GDA: variants seen among roughly 807,000 people sequenced by gnomAD.
The protein encoded by GDA is cytoplasmic PSD-95 interactor.
Under a neutral mutation model 59.6 loss-of-function variants are expected in GDA, and 18 were observed. That is an observed-to-expected ratio of 0.30 (90% CI 0.21 to 0.45). The LOEUF is 0.45. Among genes scored for constraint, GDA ranks in the 20% least tolerant of loss-of-function variants. GDA has a pLI of 1.00. For missense variants in GDA, 427 were observed against 552.3 expected, an observed-to-expected ratio of 0.77 and a Z score of 2.27; for synonymous variants, 201 against 201.1, an observed-to-expected ratio of 1.00 and a Z score of 0.00.
chr9:72,227,952 G>T lies in GDA; in HGVS notation c.832G>T (p.Ala278Ser). 1 of 1,594,732 alleles carries T rather than the reference G, an allele frequency of 6.3e-7. No homozygotes were observed. Among genetic ancestry groups the T allele is most frequent in the South Asian group, 1.1e-5 (1 of 90,192 alleles). The change falls in exon 9 of 14, where the codon GCA (alanine) becomes TCA (serine). Residue 278 changes from alanine (A) to serine (S), a missense_variant. Transcript: ENST00000358399. Reference sequence around the variant, plus strand: ...GCACTCTTCTCTCCAGACAGTGATGGCACACGGCTGCTACCTCTCTGCAGA... The same window carrying T: ...GCACTCTTCTCTCCAGACAGTGATGTCACACGGCTGCTACCTCTCTGCAGA... ...NNLLTNKTVM[A>S]HGCYLSAEEL...
intron 1 of GDA, among the ~76,000 whole-genome samples, chr9:72,169,410 CATAG>C (rs746221528): frequency 3.9e-5 from 6 of 152,242 alleles, no homozygotes; most frequent in Admixed American, 6.5e-5. Flanking sequence ...GTGAAGAGGA[CATAG>C]ATAAACAAGG....
At chr9:72,207,699 G>T (rs904789003) in intron 3 of GDA, among the ~76,000 whole-genome samples, 1 of 152,186 alleles carries the variant, frequency 6.6e-6, no homozygotes, top group Non-Finnish European at 1.5e-5. Flanking sequence ...CTGGTGGCCA[G>T]ATCTTTTTGT....
Position 72,149,644 on chromosome 9 carries a change from C to G in GDA, c.85C>G (p.Leu29Val), listed in dbSNP as rs1489811297. ...CACCTGGACCTGCCCCATGGAGGTGCTGCGGGATCACCTCCTCGGCGTGAG... is the reference window on the plus strand; with the variant it reads ...CACCTGGACCTGCCCCATGGAGGTGGTGCGGGATCACCTCCTCGGCGTGAG... ...HSTWTCPMEV[L>V]RDHLLGVSDS... Residue 29 changes from leucine to valine, a missense_variant, in exon 1 of 14, where the codon CTG becomes GTG. Physicochemically the swap from Leu to Val is conservative, Grantham distance 32. Transcript: ENST00000358399. 3.1e-6 allele frequency: 5 copies of G among 1,607,278 alleles called. No individual in the cohort carries two copies. The highest frequency in any genetic ancestry group is 1.7e-5 in the Admixed American group (1 of 59,408).
rs116366698 is a variant in GDA at position 72,166,651 on chromosome 9, A to G, written c.123+16969A>G. Among the ~76,000 whole-genome samples the G allele has an allele frequency of 4.9e-3, 748 of 152,352 alleles. 5 individuals carry two copies. Among genetic ancestry groups the G allele is most frequent in the African/African-American group, 0.016 (674 of 41,586 alleles). On this transcript the variant is annotated intron_variant, in intron 1 of 13. Transcript: ENST00000358399. ...CATGTACCCTATAAATATGTAATAT[A>G]TTATTTATAAGTAAAGAAACTTAAA...
chr9:72,194,807 C>A (rs1194824640), intron 1 of GDA, among the ~76,000 whole-genome samples: 1 of 152,238 alleles, frequency 6.6e-6, no homozygotes, highest in African/African-American at 2.4e-5. Flanking sequence ...CAAGTCCCAA[C>A]TGCTGGGATC....
chr9:72,115,729 C>T (rs1438844664), intron 1 of GDA, among the ~76,000 whole-genome samples: 1 of 152,118 alleles, frequency 6.6e-6, no homozygotes, highest in African/African-American at 2.4e-5. Context: ...AAAATACAGA[C>T]AATTATCCTA....
In GDA at chr9:72,223,112, A is replaced by G. The variant is rs2131581062; in HGVS notation, c.607-8A>G. The G allele has an allele frequency of 1.4e-6, 2 of 1,381,106 alleles. No individual in the cohort carries two copies. The allele number at this position is 1,381,106 out of a possible 1,614,324, so 85.6% of individuals were successfully genotyped here. On this transcript the variant is annotated splice_region_variant and splice_polypyrimidine_tract_variant and intron_variant, in intron 6 of 13. Coordinates refer to ENST00000358399, the MANE Select transcript of GDA (RefSeq NM_004293.5). ...GAAGAGGTATCAATTGTTTTTAATT[A>G]TCTCCAGTATTCTAGAGTGAAGCCC...
chr9:72,223,931 T>C (rs1837220722), intron 7 of GDA, among the ~76,000 whole-genome samples: 1 of 152,210 alleles, frequency 6.6e-6, no homozygotes, highest in Admixed American at 6.5e-5. Flanking sequence ...CTTTACCATT[T>C]GTAAATCAGT....
At chr9:72,215,176 T>C (rs1835946934) in intron 5 of GDA, among the ~76,000 whole-genome samples, 1 of 152,206 alleles carries the variant, frequency 6.6e-6, no homozygotes, top group Non-Finnish European at 1.5e-5. Flanking sequence ...TGAATAATTA[T>C]TTGTGAAATA....
upstream of GDA, among the ~76,000 whole-genome samples, chr9:72,148,300 GGTGTGTGTATGT>G (rs1307607057): frequency 1.6e-4 from 19 of 119,690 alleles, no homozygotes; most frequent in South Asian, 6.6e-4. Context: ...TTCTGTTATT[GGTGTGTGTATGT>G]GTGTGTGTGT....
chr9:72,255,122 C>T (rs1840855372), downstream of GDA, among the ~76,000 whole-genome samples: 1 of 152,174 alleles, frequency 6.6e-6, no homozygotes, highest in African/African-American at 2.4e-5. Context: ...CCCTACAGAG[C>T]AGGGCTAACT....
intron 1 of GDA, among the ~76,000 whole-genome samples, chr9:72,139,671 G>C (rs1826373210): frequency 1.3e-5 from 2 of 151,128 alleles, no homozygotes; most frequent in South Asian, 4.2e-4. Context: ...AAAAAAAAAT[G>C]CTCCATTATT....
chr9:72,218,246 A>G (rs1836406774), intron 5 of GDA, among the ~76,000 whole-genome samples: 1 of 152,218 alleles, frequency 6.6e-6, no homozygotes, highest in African/African-American at 2.4e-5. Context: ...AACATCTAAG[A>G]GATACAGAAG....
chr9:72,225,211 G>T (rs1837400166), intron 7 of GDA, among the ~76,000 whole-genome samples: 1 of 152,150 alleles, frequency 6.6e-6, no homozygotes, highest in Non-Finnish European at 1.5e-5. Flanking sequence ...AACCTGGGAG[G>T]CAGAGGTTGC....
At chr9:72,180,230 G>A (rs1831019532) in intron 1 of GDA, among the ~76,000 whole-genome samples, 1 of 152,106 alleles carries the variant, frequency 6.6e-6, no homozygotes, top group Non-Finnish European at 1.5e-5. Flanking sequence ...GGTGGTGGGT[G>A]CCTGTAATCC....
At chr9:72,211,009 C>T (rs1284100430) in intron 4 of GDA, among the ~76,000 whole-genome samples, 3 of 152,002 alleles carry the variant, frequency 2.0e-5, no homozygotes, top group Non-Finnish European at 4.4e-5. Flanking sequence ...TCTAAGTACT[C>T]TGATTATTTA....
rs1840619453 is a variant in GDA at position 72,250,952 on chromosome 9, GA to G, written c.*2613del. 1 of 800,620 alleles carries G rather than the reference GA, an allele frequency of 1.2e-6. No homozygotes were observed. The highest frequency in any genetic ancestry group is 2.4e-5 in the Admixed American group (1 of 42,480). 49.6% of individuals were successfully genotyped at this position (800,620 alleles called of 1,614,324 possible). On this transcript the variant is annotated 3_prime_UTR_variant, in exon 14 of 14. Coordinates refer to ENST00000358399, the MANE Select transcript of GDA (RefSeq NM_004293.5). ...GTAAATTTCATTTTCAAACGAGAGG[GA>G]AACATGGGAAGTAAAAGATTAGGAT...
At chr9:72,131,089 G>T (rs142578008) in intron 1 of GDA, among the ~76,000 whole-genome samples, 1 of 152,266 alleles carries the variant, frequency 6.6e-6, no homozygotes, top group East Asian at 1.9e-4. Context: ...CCTAGGAAAA[G>T]GTAGCAAAGA....
intron 10 of GDA, among the ~76,000 whole-genome samples, chr9:72,234,290 G>A (rs1471286260): frequency 2.0e-5 from 3 of 152,092 alleles, no homozygotes; most frequent in African/African-American, 7.2e-5. Context: ...AAGGCCATGA[G>A]GGAATTTGCT....
Sources: allele counts gnomAD v4.1 joint callset (sites outside exome capture counted in the v4.1 genomes callset), GRCh38; gene constraint gnomAD v4.1.1; transcripts MANE v1.5; gene names NCBI Gene and HGNC (gene_info 2026-07-23, HGNC 2026-07-21).